TMPRSS15: variants seen among roughly 807,000 people sequenced by gnomAD.
The protein encoded by TMPRSS15 is enteropeptidase.
Under a neutral mutation model 125.3 loss-of-function variants are expected in TMPRSS15, and 128 were observed. The observed-to-expected ratio is 1.02, with a 90% confidence interval of 0.89 to 1.18. TMPRSS15 has a LOEUF of 1.18. Among genes scored for constraint, TMPRSS15 ranks in the 50% most tolerant of loss-of-function variants. TMPRSS15 has a pLI of 0.00. For synonymous variants in TMPRSS15, 446 were observed against 423.2 expected (o/e 1.05, Z -0.66); for missense variants, 1,283 against 1,212.7 (o/e 1.06, Z -0.86).
chr21:18,402,546 G>A (rs56200573), intron 1 of TMPRSS15, among the ~76,000 whole-genome samples: 1,374 of 87,632 alleles, frequency 0.016, 36 homozygotes, highest in African/African-American at 0.049. Flanking sequence ...AAAAAAAAAA[G>A]AGAGAATTTA....
intron 1 of TMPRSS15, among the ~76,000 whole-genome samples, chr21:18,441,665 A>G (rs2076242206): frequency 2.8e-5 from 1 of 35,196 alleles, no homozygotes; most frequent in Non-Finnish European, 6.1e-5. Context: ...AGGACACATT[A>G]TTATTATTAT....
intron 23 of TMPRSS15, among the ~76,000 whole-genome samples, chr21:18,278,072 A>G (rs986864808): frequency 3.3e-5 from 5 of 152,218 alleles, no homozygotes; most frequent in African/African-American, 9.6e-5. Flanking sequence ...TTCATGTCAA[A>G]TCTGAGCCCT....
intron 10 of TMPRSS15, 40 bp from the exon 11 acceptor site, chr21:18,344,100 T>C: frequency 6.6e-7 from 1 of 1,510,880 alleles, no homozygotes; most frequent in Non-Finnish European, 9.2e-7. Context: ...ACTTAAATAT[T>C]GCATTTTCAT....
At chr21:18,357,051 C>A (rs1443267936) in intron 8 of TMPRSS15, among the ~76,000 whole-genome samples, 1 of 151,878 alleles carries the variant, frequency 6.6e-6, no homozygotes, top group East Asian at 1.9e-4. Flanking sequence ...ATTTTGAAAC[C>A]GTTTTCAGTG....
Position 18,413,217 on chromosome 21 carries a change from C to T in TMPRSS15, c.11-14888G>A, listed in dbSNP as rs546980971. On this transcript the variant is annotated intron_variant, in intron 1 of 7. Coordinates refer to the TMPRSS15 transcript ENST00000422787. ...CTGCCTTCCCTCCCTCCCTCCCTTC[C>T]TCTTCCTTCCTTCCTTTTCTCTCTC... 2.7e-3 allele frequency among the ~76,000 whole-genome samples: 389 copies of T among 146,240 alleles called. 1 individual carries two copies. Among genetic ancestry groups the T allele is most frequent in the African/African-American group, 9.4e-3 (372 of 39,580 alleles).
intron 18 of TMPRSS15, among the ~76,000 whole-genome samples, chr21:18,311,923 G>T (rs1316087210): frequency 1.3e-5 from 2 of 152,124 alleles, no homozygotes; most frequent in African/African-American, 2.4e-5. Context: ...TATACATAGA[G>T]TGTATATATA....
chr21:18,358,264 A>G (rs2075645054), intron 8 of TMPRSS15, among the ~76,000 whole-genome samples: 1 of 151,808 alleles, frequency 6.6e-6, no homozygotes, highest in Non-Finnish European at 1.5e-5. Flanking sequence ...TTTAGATTTT[A>G]TCTTCTGTAT....
intron 1 of TMPRSS15, among the ~76,000 whole-genome samples, chr21:18,457,134 A>T (rs140878927): frequency 2.6e-5 from 4 of 152,184 alleles, no homozygotes; most frequent in Admixed American, 6.6e-5. Flanking sequence ...AATTGTAACA[A>T]TTTGGTAGAT....
intron 4 of TMPRSS15, 104 bp from the exon 5 acceptor site, chr21:18,379,422 A>C (rs1354936595): frequency 2.2e-6 from 1 of 463,428 alleles, no homozygotes; most frequent in Non-Finnish European, 3.6e-6. Flanking sequence ...AGAATTTTAA[A>C]AGTTATTACG....
intron 1 of TMPRSS15, among the ~76,000 whole-genome samples, chr21:18,408,871 T>C (rs1038211380): frequency 2.0e-5 from 3 of 152,174 alleles, no homozygotes; most frequent in African/African-American, 7.2e-5. Context: ...AATTTGGTGC[T>C]ATTCTCTGGT....
intron 24 of TMPRSS15, among the ~76,000 whole-genome samples, chr21:18,271,978 T>TTGA (rs371382048): frequency 1.3e-5 from 2 of 152,284 alleles, no homozygotes; most frequent in Admixed American, 1.3e-4. Flanking sequence ...CAGTCTATCA[T>TTGA]TGATGATGGG....
chr21:18,299,762 C>T (rs574839471), intron 18 of TMPRSS15, among the ~76,000 whole-genome samples: 36 of 152,276 alleles, frequency 2.4e-4, no homozygotes, highest in African/African-American at 8.2e-4. Context: ...AGACAAGCAG[C>T]ACCAGCCTCA....
At chr21:18,441,420 C>G (rs1482757967) in intron 1 of TMPRSS15, among the ~76,000 whole-genome samples, 1 of 151,522 alleles carries the variant, frequency 6.6e-6, no homozygotes, top group Non-Finnish European at 1.5e-5. Flanking sequence ...TCCTGGCTAA[C>G]ATGGTGAAAC....
chr21:18,273,611 A>G (rs947092092), intron 24 of TMPRSS15, among the ~76,000 whole-genome samples: 1 of 152,196 alleles, frequency 6.6e-6, no homozygotes, highest in Non-Finnish European at 1.5e-5. Flanking sequence ...ATCAGCCGTC[A>G]TATTTTCTGC....
At chr21:18,414,333 T>A (rs1453012882) in intron 1 of TMPRSS15, among the ~76,000 whole-genome samples, 1 of 152,122 alleles carries the variant, frequency 6.6e-6, no homozygotes, top group East Asian at 1.9e-4. Flanking sequence ...TCCCTTTACT[T>A]CTTGTGTGTG....
At chr21:18,301,705 T>C (rs1436060215) in intron 18 of TMPRSS15, among the ~76,000 whole-genome samples, 1 of 152,198 alleles carries the variant, frequency 6.6e-6, no homozygotes, top group African/African-American at 2.4e-5. Context: ...ACATAGCTGT[T>C]TGAAATCAGA....
At chr21:18,355,564 C>T (rs1218293143) in intron 8 of TMPRSS15, among the ~76,000 whole-genome samples, 3 of 151,754 alleles carry the variant, frequency 2.0e-5, no homozygotes, top group South Asian at 4.1e-4. Context: ...ATGTATTTCA[C>T]AAATCCAGGG....
At chr21:18,421,869 C>T (rs9983948) in intron 1 of TMPRSS15, among the ~76,000 whole-genome samples, 14,540 of 152,126 alleles carry the variant, frequency 0.096, 1,542 homozygotes, top group African/African-American at 0.26. Context: ...AAATGATTAT[C>T]GATACACCCC....
intron 1 of TMPRSS15, among the ~76,000 whole-genome samples, chr21:18,467,443 C>G (rs1978690466): frequency 6.6e-6 from 1 of 151,204 alleles, no homozygotes; most frequent in African/African-American, 2.4e-5. Flanking sequence ...TCCTACTTGC[C>G]TATCATGGAG....
Sources: allele counts gnomAD v4.1 joint callset (sites outside exome capture counted in the v4.1 genomes callset), GRCh38; gene constraint gnomAD v4.1.1; transcripts MANE v1.5; gene names NCBI Gene and HGNC (gene_info 2026-07-23, HGNC 2026-07-21).